ALLC: variants seen among roughly 807,000 people sequenced by gnomAD.
ALLC encodes probable inactive allantoicase.
A neutral mutation model predicts 45.0 loss-of-function variants in ALLC; 40 were observed. The observed-to-expected ratio is 0.89, with a 90% CI of 0.69 to 1.16. The LOEUF is 1.16. ALLC is among the 50% of genes most tolerant of loss of function. ALLC has a pLI of 0.00. For missense variants in ALLC, 488 were observed against 493.1 expected, an observed-to-expected ratio of 0.99 and a Z score of 0.10; for synonymous variants, 176 against 178.1, an observed-to-expected ratio of 0.99 and a Z score of 0.09.
At chr2:3,681,395 T>C (rs1667174161) in intron 5 of ALLC, among the ~76,000 whole-genome samples, 1 of 152,174 alleles carries the variant, frequency 6.6e-6, no homozygotes, top group Non-Finnish European at 1.5e-5. Flanking sequence ...GGAGATGACA[T>C]TTACTGTTTG....
chr2:3,661,147 C>T (rs1056869458), intron 1 of ALLC, among the ~76,000 whole-genome samples: 2 of 152,104 alleles, frequency 1.3e-5, no homozygotes, highest in Non-Finnish European at 2.9e-5. Flanking sequence ...GCCTCCGTCC[C>T]GTCTCTGAGT....
At chr2:3,701,374 A>G (rs1667826731) in intron 10 of ALLC, 138 bp from the exon 11 acceptor site, 5 of 1,062,880 alleles carry the variant, frequency 4.7e-6, no homozygotes, top group South Asian at 1.9e-5. Context: ...CACATACTTC[A>G]TACCTTTGCT....
chr2:3,690,517 T>C (rs943039391), intron 7 of ALLC, among the ~76,000 whole-genome samples: 4 of 144,416 alleles, frequency 2.8e-5, no homozygotes, highest in Non-Finnish European at 4.5e-5. Context: ...TCTCTGATAG[T>C]ATGTTTTAAT....
chr2:3,646,994 C>T, the ALLC span, among the ~76,000 whole-genome samples: 1 of 152,128 alleles, frequency 6.6e-6, no homozygotes, highest in African/African-American at 2.4e-5. Context: ...GTCCCCACTT[C>T]TGGTCTCACA....
chr2:3,678,576 A>T, intron 4 of ALLC, 21 bp downstream of exon 4: 1 of 1,599,734 alleles, frequency 6.3e-7, no homozygotes, highest in South Asian at 1.1e-5. Context: ...CGGTTCGTTC[A>T]TCGAAGTGCA....
intron 1 of ALLC, among the ~76,000 whole-genome samples, chr2:3,662,844 C>T (rs1409571806): frequency 2.6e-5 from 4 of 152,176 alleles, no homozygotes; most frequent in Admixed American, 6.5e-5. Flanking sequence ...ACTTATGTAA[C>T]GTCTGAAGCT....
the ALLC span, among the ~76,000 whole-genome samples, chr2:3,646,035 G>A: frequency 1.4e-3 from 213 of 152,238 alleles, no homozygotes; most frequent in African/African-American, 4.5e-3. Context: ...TCTCCCCACC[G>A]GAGAAAAGGG....
Position 3,680,110 on chromosome 2 carries a change from G to A in ALLC, c.298+116G>A. On this transcript the variant is annotated intron_variant, in intron 5 of 11. Coordinates refer to ENST00000252505, the MANE Select transcript of ALLC (RefSeq NM_018436.4). The surrounding 1 kb of genome is among the most constrained non-coding windows in gnomAD (Gnocchi z 4.0). ...ACCACCCAGACAGCTTCAGGCGCTT[G>A]ACTAAGGCTACTTTACTGTAACGGG... 7.0e-7 allele frequency: 1 copy of A among 1,421,258 alleles called. No individual in the cohort carries two copies. Among genetic ancestry groups the A allele is most frequent in the East Asian group, 2.3e-5 (1 of 42,988 alleles). 88.0% of individuals were successfully genotyped at this position (1,421,258 alleles called of 1,614,324 possible). A position where few individuals can be genotyped will look rare whatever the true frequency, so the allele number is the denominator to read the frequency against.
At chr2:3,672,245 G>A (rs1420900427) in intron 2 of ALLC, among the ~76,000 whole-genome samples, 5 of 111,400 alleles carry the variant, frequency 4.5e-5, no homozygotes, top group Middle Eastern at 5.1e-3. Flanking sequence ...CTCTGGCTCT[G>A]GTTAGATGGG....
At chr2:3,672,527 G>T (rs113087455) in intron 2 of ALLC, among the ~76,000 whole-genome samples, 10 of 65,908 alleles carry the variant, frequency 1.5e-4, no homozygotes, top group Admixed American at 7.4e-4. Context: ...GGTCCTCTGG[G>T]TCTGGTTAGA....
At chr2:3,671,612 T>TCTGGTTCTGGTTAGATGGGAGGTCCC (rs2147998424) in intron 2 of ALLC, among the ~76,000 whole-genome samples, 1 of 112,602 alleles carries the variant, frequency 8.9e-6, no homozygotes, top group South Asian at 2.7e-4. Flanking sequence ...TGGGAGGTCC[T>TCTGGTTCTGGTTAGATGGGAGGTCCC]CTGGCTCTGG....
the ALLC span, among the ~76,000 whole-genome samples, chr2:3,650,394 G>T: frequency 6.6e-6 from 1 of 152,174 alleles, no homozygotes; most frequent in African/African-American, 2.4e-5. Flanking sequence ...GTTGACCCAG[G>T]CAGCCTGCCT....
Position 3,695,819 on chromosome 2 carries a change from G to T in ALLC, c.614G>T (p.Gly205Val). 1 of 1,613,940 alleles carries T rather than the reference G, an allele frequency of 6.2e-7. No homozygotes were observed. Among genetic ancestry groups the T allele is most frequent in the South Asian group, 1.1e-5 (1 of 91,064 alleles). The stretch of plus-strand genomic sequence containing the variant: ...GACCTAGTGGCCATCGCTTTTGGGG[G>T]TGTCTGTGTAGGATTTAGTAATGCT... ...PADLVAIAFG[G>V]VCVGFSNAKF... The change falls in exon 8 of 12, where the codon GGT (glycine) becomes GTT (valine). Residue 205 changes from glycine to valine, a missense_variant. Physicochemically the swap from Gly to Val is moderately radical, Grantham distance 109. Coordinates refer to ENST00000252505, the MANE Select transcript of ALLC (RefSeq NM_018436.4).
chr2:3,693,013 C>T (rs935708664), intron 7 of ALLC, among the ~76,000 whole-genome samples: 1 of 152,200 alleles, frequency 6.6e-6, no homozygotes, highest in Non-Finnish European at 1.5e-5. Flanking sequence ...AGCCCTGCAA[C>T]CATGGGCTGC....
chr2:3,666,096 C>T (rs1011463746), intron 1 of ALLC, among the ~76,000 whole-genome samples: 3 of 152,218 alleles, frequency 2.0e-5, no homozygotes, highest in African/African-American at 7.2e-5. Context: ...CCTGCACCTC[C>T]CGTGCCCTCT....
intron 7 of ALLC, among the ~76,000 whole-genome samples, chr2:3,690,527 T>C (rs1558546094): frequency 6.8e-6 from 1 of 146,988 alleles, no homozygotes. Context: ...TATGTTTTAA[T>C]TGACTTTTAT....
intron 7 of ALLC, among the ~76,000 whole-genome samples, chr2:3,687,689 G>A (rs189164285): frequency 6.6e-6 from 1 of 151,058 alleles, no homozygotes; most frequent in East Asian, 2.0e-4. Context: ...GTCCAGAAAT[G>A]TATCCATTTC....
At chr2:3,672,683 C>T (rs1666919009) in intron 2 of ALLC, among the ~76,000 whole-genome samples, 1 of 146,284 alleles carries the variant, frequency 6.8e-6, no homozygotes. Context: ...GGTCCTCTGG[C>T]TCTGGTTAGA....
At chr2:3,693,844 C>T (rs1192529681) in intron 7 of ALLC, among the ~76,000 whole-genome samples, 1 of 152,032 alleles carries the variant, frequency 6.6e-6, no homozygotes, top group Non-Finnish European at 1.5e-5. Flanking sequence ...AAAAATTAGC[C>T]AGGTGTGGTG....
Sources: allele counts gnomAD v4.1 joint callset (sites outside exome capture counted in the v4.1 genomes callset), GRCh38; gene constraint gnomAD v4.1.1; non-coding constraint Gnocchi (gnomAD v3.1); transcripts MANE v1.5; gene names NCBI Gene and HGNC (gene_info 2026-07-23, HGNC 2026-07-21).